ITGA2: variants seen among roughly 807,000 people sequenced by gnomAD.
ITGA2 encodes integrin subunit alpha 2, also known as integrin alpha-2.
Under a neutral mutation model 146.3 loss-of-function variants are expected in ITGA2, and 101 were observed. The observed-to-expected ratio is 0.69, with a 90% CI of 0.59 to 0.81. The LOEUF is 0.81. Ranked by LOEUF, ITGA2 falls within the 40% of genes least tolerant of loss-of-function variation. ITGA2 has a pLI of 0.00. For synonymous variants in ITGA2, 477 were observed against 487.1 expected, an observed-to-expected ratio of 0.98 and a Z score of 0.27; for missense variants, 1,281 against 1,402.7, an observed-to-expected ratio of 0.91 and a Z score of 1.39.
intron 16 of ITGA2, among the ~76,000 whole-genome samples, chr5:53,069,258 A>G (rs1353443645): frequency 6.6e-6 from 1 of 151,914 alleles, no homozygotes; most frequent in African/African-American, 2.4e-5. Context: ...TAATTCTGAT[A>G]GTTTAGACAT....
rs544827279 is a variant in ITGA2, at chr5:53,019,350, G to T, written c.65-7398G>T. On this transcript the variant is annotated intron_variant, in intron 1 of 29. Transcript: ENST00000296585. ...AATTTCAAAAGTAAATAAGTCATAA[G>T]TTTAAAATTGTGTATCGTTCCGAGT... is the stretch of plus-strand genomic sequence containing the variant. Among the ~76,000 whole-genome samples the T allele has an allele frequency of 3.6e-4, 55 of 152,184 alleles. 1 individual carries two copies. Among genetic ancestry groups the T allele is most frequent in the African/African-American group, 1.2e-3 (51 of 41,504 alleles).
chr5:53,051,675 T>C lies in ITGA2; in HGVS notation c.779+116T>C, dbSNP rs1744372654. 13 of 1,060,206 alleles carry C rather than the reference T, an allele frequency of 1.2e-5. No individual in the cohort carries two copies. In the South Asian group the frequency reaches 1.8e-4, roughly 15 times the overall value. The allele number at this position is 1,060,206 out of a possible 1,614,324, so 65.7% of individuals were successfully genotyped here. A position where few individuals can be genotyped will look rare whatever the true frequency, so the allele number is the denominator to read the frequency against. On this transcript the variant is annotated intron_variant, in intron 7 of 29. Transcript: ENST00000296585. The stretch of plus-strand genomic sequence containing the variant: ...AAAATAATATACCTGGTACCTAATT[T>C]AAATCAGAACTAATAAAGAAAAAAA...
chr5:53,029,781 A>G (rs1743137111), intron 2 of ITGA2, among the ~76,000 whole-genome samples: 1 of 152,224 alleles, frequency 6.6e-6, no homozygotes, highest in African/African-American at 2.4e-5. Context: ...GTAAAGGATC[A>G]ACAATTATTT....
chr5:53,025,958 A>G (rs1186734799), intron 1 of ITGA2, among the ~76,000 whole-genome samples: 1 of 152,156 alleles, frequency 6.6e-6, no homozygotes, highest in Admixed American at 6.5e-5. Flanking sequence ...AGAAATAAGA[A>G]TTTTCAAAAA....
Position 53,091,153 on chromosome 5 carries a change from T to TA in ITGA2, c.*556dup. ...TGCCACAGATGATACTTCCAAGTGA[T>TA]AATTTTATTTATAAACTAGGTAAAA... On this transcript the variant is annotated 3_prime_UTR_variant, in exon 30 of 30. Coordinates refer to ENST00000296585, the MANE Select transcript of ITGA2 (RefSeq NM_002203.4). 1.7e-5 allele frequency: 3 copies of TA among 173,148 alleles called. No individual in the cohort carries two copies. Among genetic ancestry groups the TA allele is most frequent in the African/African-American group, 7.1e-5 (3 of 42,016 alleles). The allele number at this position is 173,148 out of a possible 1,614,324, so 10.7% of individuals were successfully genotyped here.
At chr5:53,042,780 A>T (rs916242579) in intron 3 of ITGA2, among the ~76,000 whole-genome samples, 1 of 152,192 alleles carries the variant, frequency 6.6e-6, no homozygotes, top group African/African-American at 2.4e-5. Flanking sequence ...TGACATTTCC[A>T]TGTAATATGC....
At chr5:53,060,784 A>G in intron 11 of ITGA2, 117 bp from the exon 12 acceptor site, 1 of 961,110 alleles carries the variant, frequency 1.0e-6, no homozygotes, top group East Asian at 2.4e-5. Context: ...CAGGAGCACT[A>G]GAAACTTTGC....
intron 24 of ITGA2, among the ~76,000 whole-genome samples, chr5:53,079,130 T>A (rs1170970696): frequency 6.6e-6 from 1 of 152,148 alleles, no homozygotes; most frequent in African/African-American, 2.4e-5. Context: ...ATGCTTATGC[T>A]GCTGGTCCAG....
chr5:52,999,118 C>T (rs1741444098), intron 1 of ITGA2, among the ~76,000 whole-genome samples: 1 of 151,950 alleles, frequency 6.6e-6, no homozygotes, highest in South Asian at 2.1e-4. Flanking sequence ...TTCCCCAAAC[C>T]CTTTTCTGTT....
chr5:53,081,757 C>A (rs533897135), intron 26 of ITGA2, 61 bp downstream of exon 26: 3 of 1,126,268 alleles, frequency 2.7e-6, no homozygotes, highest in African/African-American at 3.1e-5. Context: ...GTGATCAGGA[C>A]GCTGCTTTTC....
At position 53,067,162 on chromosome 5, in the gene ITGA2, C is replaced by A; in HGVS notation, c.1988C>A (p.Pro663Gln). The A allele has an allele frequency of 6.2e-7, 1 of 1,611,238 alleles. No homozygotes were observed. The highest frequency in any genetic ancestry group is 8.5e-7 in the Non-Finnish European group (1 of 1,178,560). The change falls in exon 16 of 30, where the codon CCA becomes CAA. Residue 663 changes from proline to glutamine, a missense_variant. By Grantham distance (76) the Pro-to-Gln change is moderately conservative. Around this residue, in one of 3 missense-constraint regions of ITGA2, gnomAD observed 795 missense variants for 841.7 expected, o/e 0.94. Coordinates refer to ENST00000296585, the MANE Select transcript of ITGA2 (RefSeq NM_002203.4). ...GTAGCTATAGAAGCTTCATTCACAC[C>A]AGAAAAAATCACTTTGGTCAACAAG... ...ADVAIEASFTPEKITLVNKNA... is the reference protein window; with the variant it reads ...ADVAIEASFTQEKITLVNKNA...
chr5:53,018,434 G>T (rs1742504698), intron 1 of ITGA2, among the ~76,000 whole-genome samples: 2 of 152,084 alleles, frequency 1.3e-5, no homozygotes, highest in South Asian at 4.1e-4. Context: ...CCCAGAAGTT[G>T]CTGGGGACCA....
chr5:53,005,665 G>A (rs1561281965), intron 1 of ITGA2, among the ~76,000 whole-genome samples: 1 of 151,434 alleles, frequency 6.6e-6, no homozygotes, highest in South Asian at 2.1e-4. Context: ...CCTCAGTAGT[G>A]TATAATGATA....
At chr5:53,046,556 C>G (rs550188341) in intron 4 of ITGA2, among the ~76,000 whole-genome samples, 1 of 151,768 alleles carries the variant, frequency 6.6e-6, no homozygotes, top group South Asian at 2.1e-4. Context: ...AAAGAACATA[C>G]TGATATTTAG....
intron 6 of ITGA2, among the ~76,000 whole-genome samples, chr5:53,049,364 A>G (rs935460289): frequency 2.6e-4 from 39 of 152,244 alleles, no homozygotes; most frequent in African/African-American, 9.4e-4. Context: ...CTTCTAACCC[A>G]TGAGTTACAT....
chr5:53,028,269 T>A (rs934824146), intron 2 of ITGA2, among the ~76,000 whole-genome samples: 2 of 152,142 alleles, frequency 1.3e-5, no homozygotes, highest in African/African-American at 4.8e-5. Context: ...TCAGCAGGCA[T>A]CTTGGAGGAT....
In ITGA2 at chr5:53,001,690, A is replaced by G. The variant is rs914482222; in HGVS notation, c.64+12158A>G. ...TTTCTACAAAAGAAAAATTTAAAAA[A>G]TTAGCCAGGAATCGTGCTGCATGCC... On this transcript the variant is annotated intron_variant, in intron 1 of 29. Coordinates refer to ENST00000296585, the MANE Select transcript of ITGA2 (RefSeq NM_002203.4). Among the ~76,000 whole-genome samples the G allele has an allele frequency of 3.9e-5, 6 of 152,242 alleles. No individual in the cohort carries two copies. The East Asian group carries it at 1.2e-3, about 29-fold the overall frequency.
intron 1 of ITGA2, among the ~76,000 whole-genome samples, chr5:53,005,913 A>G (rs1283902570): frequency 6.6e-6 from 1 of 152,166 alleles, no homozygotes; most frequent in African/African-American, 2.4e-5. Context: ...TGCTCAGTAA[A>G]TGGACCTTTC....
At chr5:53,069,976 C>A (rs751959728) in intron 16 of ITGA2, 133 bp from the exon 17 acceptor site, 2 of 712,992 alleles carry the variant, frequency 2.8e-6, no homozygotes, top group Non-Finnish European at 4.9e-6. Flanking sequence ...GGTTCACAAG[C>A]CACCAATATG....
Sources: allele counts gnomAD v4.1 joint callset (sites outside exome capture counted in the v4.1 genomes callset), GRCh38; gene constraint gnomAD v4.1.1; regional missense constraint gnomAD v4.1.1; transcripts MANE v1.5; gene names NCBI Gene and HGNC (gene_info 2026-07-23, HGNC 2026-07-21).